TASP1: variants seen among roughly 807,000 people sequenced by gnomAD.
The protein encoded by TASP1 is threonine aspartase 1.
Under a neutral mutation model 56.6 loss-of-function variants are expected in TASP1, and 16 were observed. That is an observed-to-expected ratio of 0.28 (90% CI 0.19 to 0.43). The LOEUF (loss-of-function observed/expected upper bound fraction) is 0.43. TASP1 is among the 20% of genes least tolerant of loss of function. The pLI is 1.00. For synonymous variants in TASP1, 179 were observed against 184.2 expected (o/e 0.97, Z 0.23); for missense variants, 393 against 511.6 (o/e 0.77, Z 2.24).
chr20:13,598,981 C>T (rs972215516), intron 4 of TASP1, among the ~76,000 whole-genome samples: 1 of 152,098 alleles, frequency 6.6e-6, no homozygotes, highest in Non-Finnish European at 1.5e-5. Context: ...CAATGAGATA[C>T]CATCTCACAC....
chr20:13,467,210 C>CACACAT (rs746646520), intron 11 of TASP1, among the ~76,000 whole-genome samples: 4 of 151,020 alleles, frequency 2.6e-5, no homozygotes, highest in East Asian at 1.9e-4. Flanking sequence ...CACACACACA[C>CACACAT]ACACACGACA....
chr20:13,203,318 TG>T, the TASP1 span, among the ~76,000 whole-genome samples: 1 of 152,206 alleles, frequency 6.6e-6, no homozygotes, highest in African/African-American at 2.4e-5. Context: ...AGCTCGATAA[TG>T]CCACTACTTG....
At chr20:13,435,276 A>G in intron 11 of TASP1, 122 bp from the exon 12 acceptor site, 1 of 734,392 alleles carries the variant, frequency 1.4e-6, no homozygotes, top group East Asian at 2.7e-5. Flanking sequence ...TCTGATAATC[A>G]CCATTGTTCA....
chr20:13,546,189 T>TA (rs35738872), intron 8 of TASP1, among the ~76,000 whole-genome samples: 54,428 of 148,256 alleles, frequency 0.37, 10,394 homozygotes, highest in Non-Finnish European at 0.44. Flanking sequence ...GGCCAAAGGT[T>TA]AAAAAAAAAA....
intron 4 of TASP1, among the ~76,000 whole-genome samples, chr20:13,597,687 T>A (rs534582370): frequency 3.7e-4 from 56 of 152,246 alleles, no homozygotes; most frequent in African/African-American, 1.3e-3. Context: ...GCCAGAGCAA[T>A]CAGGCAGGAG....
chr20:13,142,240 A>G, the TASP1 span, among the ~76,000 whole-genome samples: 2 of 152,220 alleles, frequency 1.3e-5, no homozygotes, highest in African/African-American at 4.8e-5. Context: ...AAGATAGTGC[A>G]GCCACTTCCT....
intron 13 of TASP1, among the ~76,000 whole-genome samples, chr20:13,402,951 G>C (rs1360787580): frequency 2.0e-5 from 3 of 152,158 alleles, no homozygotes; most frequent in Admixed American, 2.0e-4. Flanking sequence ...CTTTCAAAAG[G>C]AAAATTACCT....
chr20:13,344,991 T>C, the TASP1 span, among the ~76,000 whole-genome samples: 1 of 152,268 alleles, frequency 6.6e-6, no homozygotes, highest in Non-Finnish European at 1.5e-5. Flanking sequence ...GGCAAGCATG[T>C]CCAGTTAAAC....
chr20:13,437,599 T>A (rs192936399), intron 11 of TASP1, among the ~76,000 whole-genome samples: 1 of 152,282 alleles, frequency 6.6e-6, no homozygotes, highest in Admixed American at 6.5e-5. Context: ...TGATTGTACA[T>A]CTAGAAAACC....
At chr20:13,611,877 A>G (rs1169774303) in intron 4 of TASP1, among the ~76,000 whole-genome samples, 1 of 152,188 alleles carries the variant, frequency 6.6e-6, no homozygotes, top group East Asian at 1.9e-4. Flanking sequence ...ACATGTTGAC[A>G]ACAAATTCCA....
At chr20:13,412,007 G>A (rs1361483727) in intron 13 of TASP1, among the ~76,000 whole-genome samples, 1 of 152,184 alleles carries the variant, frequency 6.6e-6, no homozygotes, top group Admixed American at 6.5e-5. Flanking sequence ...CTATGCTTCC[G>A]AGTTGTCTTG....
the TASP1 span, among the ~76,000 whole-genome samples, chr20:13,241,480 T>C: frequency 6.6e-6 from 1 of 152,244 alleles, no homozygotes; most frequent in South Asian, 2.1e-4. Flanking sequence ...CAAGGGGCTA[T>C]GTGTGAGCAT....
chr20:13,435,177 T>G, intron 11 of TASP1, 23 bp from the exon 12 acceptor site: 3 of 1,492,472 alleles, frequency 2.0e-6, no homozygotes, highest in Non-Finnish European at 2.7e-6. Context: ...GACTAGTAGT[T>G]ATTTTTCAGT....
At chr20:13,595,349 T>C (rs962536741) in intron 4 of TASP1, among the ~76,000 whole-genome samples, 2 of 152,218 alleles carry the variant, frequency 1.3e-5, no homozygotes, top group East Asian at 1.9e-4. Flanking sequence ...AACATCATAA[T>C]GACAGGATCA....
the TASP1 span, among the ~76,000 whole-genome samples, chr20:13,376,803 A>G: frequency 6.6e-6 from 1 of 152,118 alleles, no homozygotes; most frequent in African/African-American, 2.4e-5. Flanking sequence ...CAACCCTTGT[A>G]AGTTGTATTT....
At chr20:13,224,841 CTTTTTTTTTTT>C in the TASP1 span, among the ~76,000 whole-genome samples, 5 of 107,250 alleles carry the variant, frequency 4.7e-5, no homozygotes, top group South Asian at 3.1e-4. Context: ...AGCTTTCTTT[CTTTTTTTTTTT>C]TTTTTTTTTT....
chr20:13,580,890 T>C lies in TASP1; in HGVS notation c.488+7A>G, dbSNP rs760096126. The C allele has an allele frequency of 6.2e-7, 1 of 1,613,284 alleles. No homozygotes were observed. Among genetic ancestry groups the C allele is most frequent in the Non-Finnish European group, 8.5e-7 (1 of 1,179,626 alleles). On this transcript the variant is annotated splice_region_variant and intron_variant, in intron 6 of 13. Coordinates refer to ENST00000337743, the MANE Select transcript of TASP1 (RefSeq NM_017714.3). ...ACAGGGAAAGTCAGGAAGAACAAAG[T>C]GGTTACCAGGGAGGAATTCTGCCAG... is the stretch of plus-strand genomic sequence containing the variant.
At chr20:13,596,602 T>C (rs531855796) in intron 4 of TASP1, among the ~76,000 whole-genome samples, 1 of 152,192 alleles carries the variant, frequency 6.6e-6, no homozygotes, top group East Asian at 1.9e-4. Flanking sequence ...ATCAACACCG[T>C]AATATCACAA....
intron 8 of TASP1, among the ~76,000 whole-genome samples, chr20:13,547,506 T>C (rs1367768124): frequency 6.6e-6 from 1 of 152,162 alleles, no homozygotes; most frequent in Non-Finnish European, 1.5e-5. Context: ...AGAAGGAAGA[T>C]AATGGAAAAG....
Sources: gnomAD v4.1 joint callset for allele counts (sites outside exome capture counted in the v4.1 genomes callset) on GRCh38, gnomAD v4.1.1 for gene constraint, MANE v1.5 for transcripts, NCBI Gene and HGNC (gene_info 2026-07-23, HGNC 2026-07-21) for gene names.